CCDC27: variants seen among roughly 807,000 people sequenced by gnomAD.
The protein encoded by CCDC27 is coiled-coil domain-containing protein 27.
In CCDC27, 80 loss-of-function variants were observed where a neutral mutation model predicts 80.3. The observed-to-expected ratio is 1.00, with a 90% confidence interval of 0.83 to 1.20. The LOEUF is 1.20. Ranked by LOEUF, CCDC27 falls within the 50% of genes most tolerant of loss-of-function variation. The pLI, the probability that CCDC27 is intolerant of heterozygous loss-of-function variation, is 0.00. For synonymous variants in CCDC27, 342 were observed against 334.3 expected, an observed-to-expected ratio of 1.02 and a Z score of -0.25; for missense variants, 815 against 809.4, an observed-to-expected ratio of 1.01 and a Z score of -0.08.
rs923951779 is a variant in CCDC27 at position 3,765,053 on chromosome 1, C to T, written c.1452+1217C>T. Among the ~76,000 whole-genome samples, 6 of 142,736 alleles carry T rather than the reference C, an allele frequency of 4.2e-5. No homozygotes were observed. In the South Asian group the frequency reaches 6.7e-4, roughly 16 times the overall value. The allele number at this position is 142,736 out of a possible 152,430, so 93.6% of individuals were successfully genotyped here. A position where few individuals can be genotyped will look rare whatever the true frequency, so the allele number is the denominator to read the frequency against. On this transcript the variant is annotated intron_variant, in intron 8 of 11. Transcript: ENST00000294600. ...TCCATCTCAAAAAAAAAAAAAAAAA[C>T]GATGAACAGGGGTAAAGTTTTGGGG...
chr1:3,761,262 C>A lies in CCDC27; in HGVS notation c.712-19C>A. ...GTGGCTGCATGGCCCACGGGGGCTG[C>A]CCTTGGTTTTCTGCCCAGGATCACT... On this transcript the variant is annotated intron_variant, in intron 4 of 11. Transcript: ENST00000294600. This position sits in a 1 kb window ranked among gnomAD's most constrained non-coding sequence, Gnocchi z 5.0. The A allele has an allele frequency of 6.2e-7, 1 of 1,612,086 alleles. No individual in the cohort carries two copies. Among genetic ancestry groups the A allele is most frequent in the Non-Finnish European group, 8.5e-7 (1 of 1,178,902 alleles).
intron 2 of CCDC27, 141 bp from the exon 3 acceptor site, chr1:3,755,316 C>T (rs548475464): frequency 5.6e-6 from 4 of 708,706 alleles, no homozygotes; most frequent in Admixed American, 4.0e-5. Context: ...TTGGTTCAGC[C>T]CTTGCTCAGT....
At position 3,766,573 on chromosome 1, in the gene CCDC27, G is replaced by C. The variant is rs139337972; in HGVS notation, c.1491G>C (p.Met497Ile). ...NLREDKKHQE[M>I]MGLIEKDNQL... ...GAGAAGATAAGAAACACCAAGAGATGATGGGGCTCATTGAAAAGGACAACC... is the reference window on the plus strand; with the variant it reads ...GAGAAGATAAGAAACACCAAGAGATCATGGGGCTCATTGAAAAGGACAACC... Residue 497 changes from methionine (M) to isoleucine (I), a missense_variant, in exon 9 of 12, where the codon ATG (methionine) becomes ATC (isoleucine). Coordinates refer to ENST00000294600, the MANE Select transcript of CCDC27 (RefSeq NM_152492.3). The surrounding 1 kb of genome is among the most constrained non-coding windows in gnomAD (Gnocchi z 6.1). 2,133 of 1,613,924 alleles carry C rather than the reference G, an allele frequency of 1.3e-3. 21 individuals carry two copies. The African/African-American group carries it at 0.026, about 20-fold the overall frequency.
intron 1 of CCDC27, among the ~76,000 whole-genome samples, chr1:3,753,208 G>A (rs984088185): frequency 4.6e-5 from 7 of 152,304 alleles, no homozygotes; most frequent in African/African-American, 1.4e-4. Context: ...AGTCAGGTAC[G>A]CTGTGCCACC....
rs889788508 is a variant in CCDC27, at chr1:3,762,611, G to C, written c.862-9G>C. 1.9e-6 allele frequency: 3 copies of C among 1,550,096 alleles called. No individual in the cohort carries two copies. The highest frequency in any genetic ancestry group is 2.6e-6 in the Non-Finnish European group (3 of 1,146,304). On this transcript the variant is annotated splice_polypyrimidine_tract_variant and intron_variant, in intron 5 of 11. Coordinates refer to ENST00000294600, the MANE Select transcript of CCDC27 (RefSeq NM_152492.3). ...CTGGAAAGCTGAGGGTCCCACGGGC[G>C]TCTTGCAGGAGCAGCTCTCAGACGC...
Position 3,763,080 on chromosome 1 carries a change from C to A in CCDC27, c.955-28C>A, listed in dbSNP as rs1643127081. Reference sequence around the variant, plus strand: ...GCCCTGGGGGTGCCCCGCAGCCCTGCCCAGCCCCTGCCCTACCCATCTTAC... The same window carrying A: ...GCCCTGGGGGTGCCCCGCAGCCCTGACCAGCCCCTGCCCTACCCATCTTAC... On this transcript the variant is annotated intron_variant, in intron 6 of 11. Coordinates refer to ENST00000294600, the MANE Select transcript of CCDC27 (RefSeq NM_152492.3). This position sits in a 1 kb window ranked among gnomAD's most constrained non-coding sequence, Gnocchi z 7.5. 4.8e-6 allele frequency: 7 copies of A among 1,459,672 alleles called. No individual in the cohort carries two copies. The highest frequency in any genetic ancestry group is 1.4e-5 in the African/African-American group (1 of 70,148). 90.4% of individuals were successfully genotyped at this position (1,459,672 alleles called of 1,614,324 possible). A position where few individuals can be genotyped will look rare whatever the true frequency, so the allele number is the denominator to read the frequency against.
rs1439416645 is a variant in CCDC27, at chr1:3,763,942, A to C, written c.1452+106A>C. ...CGCTGCCCGTCCCATCTACTGATGG[A>C]GACTTTGAGCCTGGGGTGTCCAGGC... On this transcript the variant is annotated intron_variant, in intron 8 of 11. Coordinates refer to ENST00000294600, the MANE Select transcript of CCDC27 (RefSeq NM_152492.3). This position sits in a 1 kb window ranked among gnomAD's most constrained non-coding sequence, Gnocchi z 7.5. 2.7e-6 allele frequency: 4 copies of C among 1,477,416 alleles called. No individual in the cohort carries two copies. The allele number at this position is 1,477,416 out of a possible 1,614,324, so 91.5% of individuals were successfully genotyped here.
chr1:3,755,452 T>C lies in CCDC27; in HGVS notation c.443-5T>C. The stretch of plus-strand genomic sequence containing the variant: ...TCACCAGATGGCATCTTTAACACTC[T>C]ACAGGTTCACCCACTGAGGCCGATT... On this transcript the variant is annotated splice_polypyrimidine_tract_variant and splice_region_variant and intron_variant, in intron 2 of 11. Coordinates refer to ENST00000294600, the MANE Select transcript of CCDC27 (RefSeq NM_152492.3). The C allele has an allele frequency of 1.9e-6, 3 of 1,613,300 alleles. No individual in the cohort carries two copies. The highest frequency in any genetic ancestry group is 2.5e-6 in the Non-Finnish European group (3 of 1,179,248).
In CCDC27 at chr1:3,767,454, A is replaced by C; in HGVS notation, c.1743+9A>C. ...AGAGCTCCCAGTCCAGGGTATGCCC[A>C]GCCCTTCCTCCTGAGGGTCTGTCCC... On this transcript the variant is annotated intron_variant, in intron 10 of 11. Transcript: ENST00000294600. 1 of 1,604,086 alleles carries C rather than the reference A, an allele frequency of 6.2e-7. No homozygotes were observed. The highest frequency in any genetic ancestry group is 1.1e-5 in the South Asian group (1 of 90,010).
At chr1:3,758,364 T>G (rs1306116563) in intron 4 of CCDC27, among the ~76,000 whole-genome samples, 1 of 151,950 alleles carries the variant, frequency 6.6e-6, no homozygotes, top group Non-Finnish European at 1.5e-5. Context: ...AATTTTTGTA[T>G]TTTTAGTAGA....
In CCDC27 at chr1:3,761,457, G is replaced by A. The variant is rs371215327; in HGVS notation, c.861+27G>A. Reference sequence around the variant, plus strand: ...TGAGCCAGCCCCAGCGGGGCACAGCGCAGAGCTCTAAGACGGTTGTTTTCA... The same window carrying A: ...TGAGCCAGCCCCAGCGGGGCACAGCACAGAGCTCTAAGACGGTTGTTTTCA... On this transcript the variant is annotated intron_variant, in intron 5 of 11. Coordinates refer to ENST00000294600, the MANE Select transcript of CCDC27 (RefSeq NM_152492.3). This position sits in a 1 kb window ranked among gnomAD's most constrained non-coding sequence, Gnocchi z 5.0. The A allele has an allele frequency of 7.5e-6, 12 of 1,610,432 alleles. No homozygotes were observed. The highest frequency in any genetic ancestry group is 2.7e-5 in the African/African-American group (2 of 74,760).
In CCDC27 at chr1:3,763,749, C is replaced by T. The variant is rs1330340134; in HGVS notation, c.1365C>T (p.Thr455=). Residue 455 remains threonine (T), a synonymous_variant, in exon 8 of 12, where the codon ACC becomes ACT. Coordinates refer to ENST00000294600, the MANE Select transcript of CCDC27 (RefSeq NM_152492.3). This position sits in a 1 kb window ranked among gnomAD's most constrained non-coding sequence, Gnocchi z 7.5. The part of the protein sequence containing the change: ...SLQQQVDFQE[T]QLRKINTENE... ...AACAACAAGTGGATTTCCAAGAAAC[C>T]CAGCTGCGAAAGATCAATACGGAAA... The T allele has an allele frequency of 3.1e-6, 5 of 1,613,996 alleles. No homozygotes were observed. In the Admixed American group the frequency reaches 5.0e-5, roughly 16 times the overall value.
intron 3 of CCDC27, chr1:3,756,391 A>C: frequency 5.7e-6 from 1 of 175,436 alleles, no homozygotes; most frequent in Non-Finnish European, 1.2e-5. Context: ...CCAGGAGGGG[A>C]CAAGCAACCA....
Position 3,762,647 on chromosome 1 carries a change from C to T in CCDC27, c.889C>T (p.Leu297=). ...REQLSDASLK[L]GRLSLLKAFS... is the part of the protein sequence containing the mutation. ...GCAGCTCTCAGACGCTTCGCTGAAG[C>T]TGGGCAGGCTGAGCCTCCTGAAGGC... The change falls in exon 6 of 12, where the codon CTG becomes TTG. Residue 297 remains leucine (L), a synonymous_variant. Coordinates refer to ENST00000294600, the MANE Select transcript of CCDC27 (RefSeq NM_152492.3). 1 of 1,550,452 alleles carries T rather than the reference C, an allele frequency of 6.4e-7. No individual in the cohort carries two copies. The highest frequency in any genetic ancestry group is 8.7e-7 in the Non-Finnish European group (1 of 1,146,810).
chr1:3,764,077 G>A (rs1282574143), intron 8 of CCDC27, among the ~76,000 whole-genome samples: 1 of 152,150 alleles, frequency 6.6e-6, no homozygotes, highest in African/African-American at 2.4e-5. Context: ...CCCTGGGCTG[G>A]AGGCAAGTGT....
intron 1 of CCDC27, among the ~76,000 whole-genome samples, chr1:3,753,914 C>G (rs537186547): frequency 1.3e-4 from 20 of 151,764 alleles, no homozygotes; most frequent in African/African-American, 4.8e-4. Context: ...GCTCCAGAAC[C>G]AGGGGGTTGT....
chr1:3,765,983 C>T (rs1245466722), intron 8 of CCDC27, among the ~76,000 whole-genome samples: 4 of 152,038 alleles, frequency 2.6e-5, no homozygotes, highest in African/African-American at 9.7e-5. Context: ...GATCCTCTCG[C>T]CTCAGCCTCC....
At chr1:3,758,542 G>C (rs1048908339) in intron 4 of CCDC27, among the ~76,000 whole-genome samples, 3 of 152,294 alleles carry the variant, frequency 2.0e-5, no homozygotes, top group African/African-American at 2.4e-5. Flanking sequence ...GCAATGGCAC[G>C]ATCAGAGCTC....
chr1:3,763,288 G>A lies in CCDC27; in HGVS notation c.1135G>A (p.Asp379Asn), dbSNP rs767547784. ...GSEEEEEEEG[D>N]RDEDSEEREL... ...CGAGGAGGAGGAAGAGGAGGAAGGG[G>A]ACAGGGATGAGGACTCAGAGGAAAG... is the stretch of plus-strand genomic sequence containing the variant. Residue 379 changes from aspartate to asparagine, a missense_variant, in exon 7 of 12, where the codon GAC (aspartate) becomes AAC (asparagine). Transcript: ENST00000294600. This position sits in a 1 kb window ranked among gnomAD's most constrained non-coding sequence, Gnocchi z 7.5. 6 of 1,598,728 alleles carry A rather than the reference G, an allele frequency of 3.8e-6. No individual in the cohort carries two copies. The highest frequency in any genetic ancestry group is 5.1e-6 in the Non-Finnish European group (6 of 1,172,262).
Sources: gnomAD v4.1 joint callset for allele counts (sites outside exome capture counted in the v4.1 genomes callset) on GRCh38, gnomAD v4.1.1 for gene constraint, Gnocchi (gnomAD v3.1) non-coding constraint, MANE v1.5 for transcripts, NCBI Gene and HGNC (gene_info 2026-07-23, HGNC 2026-07-21) for gene names.